Variants in CNTN5 observed in about 807,000 individuals in gnomAD.
CNTN5 encodes contactin-5.
In CNTN5, 77 loss-of-function variants were observed where a neutral mutation model predicts 129.1. The observed-to-expected ratio is 0.60, with a 90% CI of 0.50 to 0.72. CNTN5 has a LOEUF of 0.72. Among genes scored for constraint, CNTN5 ranks in the 30% least tolerant of loss-of-function variants. CNTN5 has a pLI of 0.00. For missense variants in CNTN5, 1,478 were observed against 1,328.8 expected (o/e 1.11, Z -1.75); for synonymous variants, 509 against 465.6 (o/e 1.09, Z -1.20).
intron 2 of CNTN5, among the ~76,000 whole-genome samples, chr11:99,461,588 A>C (rs1057181802): frequency 6.6e-6 from 1 of 152,110 alleles, no homozygotes; most frequent in African/African-American, 2.4e-5. Flanking sequence ...CTAAGAAAGC[A>C]TTGATATTGC....
intron 16 of CNTN5, among the ~76,000 whole-genome samples, chr11:100,250,455 T>C (rs1412489015): frequency 6.6e-6 from 1 of 152,080 alleles, no homozygotes; most frequent in Non-Finnish European, 1.5e-5. Flanking sequence ...TCAAGTACCA[T>C]GTTGGACGTT....
In CNTN5 at chr11:100,211,006, CTG is replaced by C. The variant is rs1949019851; in HGVS notation, c.1885-13684_1885-13683del. Among the ~76,000 whole-genome samples, 7 of 152,204 alleles carry C rather than the reference CTG, an allele frequency of 4.6e-5. No homozygotes were observed. In the South Asian group the frequency reaches 1.5e-3, roughly 32 times the overall value. On this transcript the variant is annotated intron_variant, in intron 15 of 24. Coordinates refer to ENST00000524871, the MANE Select transcript of CNTN5 (RefSeq NM_014361.4). ...TGCTAGATTAAGCCAAAAATAAAAA[CTG>C]TCTGTAGTTAGCTTGAGCCATCCTA... is the stretch of plus-strand genomic sequence containing the variant.
intron 9 of CNTN5, among the ~76,000 whole-genome samples, chr11:100,041,023 G>C (rs182556095): frequency 1.3e-5 from 2 of 152,138 alleles, no homozygotes; most frequent in Non-Finnish European, 2.9e-5. Flanking sequence ...AGATGAACCC[G>C]GTACCTCAGT....
intron 1 of CNTN5, among the ~76,000 whole-genome samples, chr11:99,161,617 T>A (rs1044447688): frequency 2.0e-5 from 3 of 152,188 alleles, no homozygotes; most frequent in Non-Finnish European, 4.4e-5. Flanking sequence ...GGAACCATCA[T>A]AGCAGCCTTG....
At chr11:100,033,967 GA>G (rs564620644) in intron 9 of CNTN5, among the ~76,000 whole-genome samples, 280 of 150,152 alleles carry the variant, frequency 1.9e-3, no homozygotes, top group Non-Finnish European at 2.9e-3. Context: ...ATTTTTAGAA[GA>G]AAAAAAAAGA....
Position 100,201,721 on chromosome 11 carries a change from A to C in CNTN5, c.1884+8058A>C, listed in dbSNP as rs78726327. ...TAACTAATGTGTCAACTTTAACTGA[A>C]GATACCATAAGCCAGTGTAGTAGAT... On this transcript the variant is annotated intron_variant, in intron 15 of 24. Coordinates refer to ENST00000524871, the MANE Select transcript of CNTN5 (RefSeq NM_014361.4). 5.7e-3 allele frequency among the ~76,000 whole-genome samples: 872 copies of C among 152,096 alleles called. 17 individuals are homozygous for C. Among genetic ancestry groups the C allele is most frequent in the African/African-American group, 0.02 (836 of 41,544 alleles).
intron 4 of CNTN5, among the ~76,000 whole-genome samples, chr11:99,840,803 T>G (rs1947462755): frequency 6.6e-6 from 1 of 152,152 alleles, no homozygotes; most frequent in Non-Finnish European, 1.5e-5. Context: ...TGAAGTGTTA[T>G]CTCCAACAAG....
chr11:99,338,917 C>CATATATATAT (rs1866359405), intron 2 of CNTN5, among the ~76,000 whole-genome samples: 5 of 48,198 alleles, frequency 1.0e-4, no homozygotes, highest in Non-Finnish European at 7.6e-5. Context: ...TGTTCATTCA[C>CATATATATAT]AGATATATAT....
intron 2 of CNTN5, among the ~76,000 whole-genome samples, chr11:99,451,863 T>A (rs1347232807): frequency 6.6e-6 from 1 of 152,132 alleles, no homozygotes; most frequent in Non-Finnish European, 1.5e-5. Context: ...CATTGTTCTT[T>A]TAAGTCACAA....
chr11:99,980,073 A>G (rs1938236327), intron 8 of CNTN5, among the ~76,000 whole-genome samples: 1 of 152,240 alleles, frequency 6.6e-6, no homozygotes, highest in Non-Finnish European at 1.5e-5. Context: ...TGATTAGTGC[A>G]TAACCTGAAA....
intron 2 of CNTN5, among the ~76,000 whole-genome samples, chr11:99,446,513 A>C (rs1944078390): frequency 6.6e-6 from 1 of 152,174 alleles, no homozygotes; most frequent in East Asian, 1.9e-4. Flanking sequence ...TCAGTCAGTA[A>C]AGTTATTGGC....
intron 1 of CNTN5, among the ~76,000 whole-genome samples, chr11:99,099,139 A>C (rs928679679): frequency 6.6e-6 from 1 of 152,166 alleles, no homozygotes; most frequent in Non-Finnish European, 1.5e-5. Context: ...AGAAATTTTC[A>C]GTCAAGAAAT....
chr11:99,887,470 G>A (rs561960405), intron 6 of CNTN5, among the ~76,000 whole-genome samples: 3 of 152,202 alleles, frequency 2.0e-5, no homozygotes, highest in African/African-American at 7.2e-5. Context: ...TATTAGTCAG[G>A]GTTCTCTAGA....
At chr11:99,727,987 A>G (rs184519280) in intron 3 of CNTN5, among the ~76,000 whole-genome samples, 136 of 152,324 alleles carry the variant, frequency 8.9e-4, no homozygotes, top group Admixed American at 2.2e-3. Context: ...TTACTTAACC[A>G]CTATGGTAAT....
At chr11:100,009,631 A>C (rs1940406455) in intron 9 of CNTN5, among the ~76,000 whole-genome samples, 1 of 152,114 alleles carries the variant, frequency 6.6e-6, no homozygotes, top group South Asian at 2.1e-4. Flanking sequence ...GTAGAAGTTC[A>C]TGAAAAAATG....
At position 99,819,610 on chromosome 11, in the gene CNTN5, C is replaced by A; in HGVS notation, c.122C>A (p.Ser41Ter). The A allele has an allele frequency of 6.2e-7, 1 of 1,612,978 alleles. No individual in the cohort carries two copies. Among genetic ancestry groups the A allele is most frequent in the Non-Finnish European group, 8.5e-7 (1 of 1,179,804 alleles). ...GCTTTGTTAAGAATTAAGAAGAGTT[C>A]ATCTTCATCTCTCTTTGGTTCCAAA... The part of the protein sequence containing the change: ...YAALLRIKKS[S>*]SSSLFGSKTR... Residue 41 changes from serine (S) to a stop codon, truncating the protein, a stop_gained, in exon 4 of 25, where the codon TCA becomes TAA. Transcript: ENST00000524871. LOFTEE classifies it high-confidence loss of function.
At chr11:99,474,213 T>A (rs1386351366) in intron 2 of CNTN5, among the ~76,000 whole-genome samples, 1 of 151,930 alleles carries the variant, frequency 6.6e-6, no homozygotes, top group Non-Finnish European at 1.5e-5. Context: ...AGGGATTTTT[T>A]AATAATTACA....
At chr11:99,540,871 G>C (rs1384844619) in intron 2 of CNTN5, among the ~76,000 whole-genome samples, 1 of 152,116 alleles carries the variant, frequency 6.6e-6, no homozygotes, top group Admixed American at 6.6e-5. Context: ...GTCTACGAAG[G>C]CAAATTATAA....
At chr11:100,249,482 A>G (rs1205616786) in intron 16 of CNTN5, among the ~76,000 whole-genome samples, 1 of 152,198 alleles carries the variant, frequency 6.6e-6, no homozygotes, top group East Asian at 1.9e-4. Context: ...CAAATACAGT[A>G]TTTAATTTAG....
Sources: allele counts gnomAD v4.1 joint callset (sites outside exome capture counted in the v4.1 genomes callset), GRCh38; gene constraint gnomAD v4.1.1; transcripts MANE v1.5; gene names NCBI Gene and HGNC (gene_info 2026-07-23, HGNC 2026-07-21).